SIPA1L1: variants seen among roughly 807,000 people sequenced by gnomAD.
The protein encoded by SIPA1L1 is signal induced proliferation associated 1 like 1.
In SIPA1L1, 26 loss-of-function variants were observed where a neutral mutation model predicts 162.7. The ratio of observed to expected loss-of-function variants is 0.16; its 90% CI spans 0.12 to 0.22. The LOEUF is 0.22. Ranked by LOEUF, SIPA1L1 falls within the 10% of genes least tolerant of loss-of-function variation. The pLI, the probability that SIPA1L1 is intolerant of heterozygous loss-of-function variation, is 1.00. For synonymous variants in SIPA1L1, 829 were observed against 837.4 expected, an observed-to-expected ratio of 0.99 and a Z score of 0.17; for missense variants, 1,874 against 2,241.0, an observed-to-expected ratio of 0.84 and a Z score of 3.31.
chr14:71,426,332 C>T (rs909287490), intron 2 of SIPA1L1, among the ~76,000 whole-genome samples: 2 of 151,772 alleles, frequency 1.3e-5, no homozygotes, highest in Non-Finnish European at 2.9e-5. Context: ...CTAGCATTAA[C>T]TGTTGACTTT....
intron 11 of SIPA1L1, 50 bp from the exon 12 acceptor site, chr14:71,672,298 C>G: frequency 1.0e-5 from 16 of 1,587,292 alleles, no homozygotes; most frequent in Non-Finnish European, 1.4e-5. Context: ...ATGTCCACCA[C>G]TTAATACCCT....
chr14:71,325,656 T>C (rs1001742200), intron 2 of SIPA1L1, among the ~76,000 whole-genome samples: 2 of 152,184 alleles, frequency 1.3e-5, no homozygotes, highest in Non-Finnish European at 2.9e-5. Flanking sequence ...CAAAATGACA[T>C]GGAGGGATGT....
chr14:71,335,054 G>C (rs1026668293), intron 2 of SIPA1L1, among the ~76,000 whole-genome samples: 19 of 152,154 alleles, frequency 1.2e-4, no homozygotes, highest in African/African-American at 4.6e-4. Context: ...AATCCCAAGC[G>C]CTTTGGGAGG....
intron 2 of SIPA1L1, among the ~76,000 whole-genome samples, chr14:71,385,139 C>T (rs1419397200): frequency 6.6e-6 from 1 of 152,128 alleles, no homozygotes; most frequent in African/African-American, 2.4e-5. Context: ...TTGAAACTAC[C>T]GATGCCCCAG....
intron 13 of SIPA1L1, among the ~76,000 whole-genome samples, chr14:71,688,140 T>G (rs1439273160): frequency 1.3e-5 from 2 of 152,216 alleles, no homozygotes; most frequent in African/African-American, 4.8e-5. Flanking sequence ...AAAAAATATC[T>G]TTTAAGTTTT....
At chr14:71,421,891 C>T (rs941685717) in intron 2 of SIPA1L1, among the ~76,000 whole-genome samples, 2 of 152,130 alleles carry the variant, frequency 1.3e-5, no homozygotes, top group African/African-American at 2.4e-5. Context: ...TCACCCAGGC[C>T]GTGATTTTCT....
intron 11 of SIPA1L1, 28 bp downstream of exon 11, chr14:71,671,720 T>C (rs1394012755): frequency 6.6e-7 from 1 of 1,515,786 alleles, no homozygotes; most frequent in Non-Finnish European, 8.9e-7. Context: ...CTTCCTTACA[T>C]GCAGTTTCTC....
At chr14:71,402,549 A>T (rs1331880581) in intron 2 of SIPA1L1, among the ~76,000 whole-genome samples, 2 of 152,082 alleles carry the variant, frequency 1.3e-5, no homozygotes, top group African/African-American at 4.8e-5. Flanking sequence ...GGGTTTCACC[A>T]TATTGGCCAG....
chr14:71,495,147 G>A (rs543430635), intron 2 of SIPA1L1, among the ~76,000 whole-genome samples: 1 of 152,304 alleles, frequency 6.6e-6, no homozygotes, highest in South Asian at 2.1e-4. Context: ...TATAAAATGA[G>A]CTGGGAAGTG....
At chr14:71,733,883 C>T in intron 21 of SIPA1L1, 71 bp downstream of exon 21, 1 of 1,476,226 alleles carries the variant, frequency 6.8e-7, no homozygotes, top group Non-Finnish European at 9.2e-7. Context: ...ATCCACTCTA[C>T]TTCTCTGGAC....
chr14:71,393,421 T>C (rs1397834467), intron 2 of SIPA1L1, among the ~76,000 whole-genome samples: 1 of 152,122 alleles, frequency 6.6e-6, no homozygotes. Flanking sequence ...AAAGAACAGA[T>C]TGTGTTCTGA....
intron 8 of SIPA1L1, among the ~76,000 whole-genome samples, chr14:71,656,987 G>A (rs1290471460): frequency 6.6e-6 from 1 of 152,152 alleles, no homozygotes; most frequent in East Asian, 1.9e-4. Flanking sequence ...GTTGCCTTTT[G>A]GTATGTGTCA....
Position 71,652,979 on chromosome 14 carries a change from T to C in SIPA1L1, c.1993+2470T>C, listed in dbSNP as rs865850825. On this transcript the variant is annotated intron_variant, in intron 8 of 23. Coordinates refer to ENST00000381232, the MANE Select transcript of SIPA1L1 (RefSeq NM_001386936.1). ...GTTCCTTTGTATATATTTTACTTCC[T>C]CACATGTCTGGTTGTTTTTGATAAG... Among the ~76,000 whole-genome samples, 7 of 152,176 alleles carry C rather than the reference T, an allele frequency of 4.6e-5. No homozygotes were observed. In the South Asian group the frequency reaches 1.0e-3, roughly 23 times the overall value.
At chr14:71,494,779 A>G (rs537937985) in intron 2 of SIPA1L1, among the ~76,000 whole-genome samples, 27 of 152,166 alleles carry the variant, frequency 1.8e-4, no homozygotes, top group Non-Finnish European at 3.1e-4. Flanking sequence ...AGCTGGGACT[A>G]CAGGTGTGCA....
chr14:71,714,585 CTT>C (rs34342241), intron 17 of SIPA1L1, among the ~76,000 whole-genome samples: 16 of 149,664 alleles, frequency 1.1e-4, no homozygotes, highest in East Asian at 3.9e-4. Context: ...GCTTTTCTCT[CTT>C]TTTTTTTTTA....
chr14:71,459,418 A>T (rs1426922827), intron 2 of SIPA1L1, among the ~76,000 whole-genome samples: 2 of 152,164 alleles, frequency 1.3e-5, no homozygotes, highest in African/African-American at 4.8e-5. Context: ...GAACTAATAG[A>T]AGATATGTAA....
intron 4 of SIPA1L1, among the ~76,000 whole-genome samples, chr14:71,563,380 A>G (rs2056947004): frequency 1.3e-5 from 2 of 150,768 alleles, no homozygotes; most frequent in Admixed American, 6.6e-5. Context: ...TGGTTTGTAC[A>G]TCTTGGATTT....
At chr14:71,649,858 TA>T (rs1335414285) in intron 7 of SIPA1L1, among the ~76,000 whole-genome samples, 2 of 151,654 alleles carry the variant, frequency 1.3e-5, no homozygotes, top group Non-Finnish European at 2.9e-5. Flanking sequence ...TTTCTAATTT[TA>T]CAAAAAAAAA....
intron 2 of SIPA1L1, among the ~76,000 whole-genome samples, chr14:71,381,350 C>T (rs1321569807): frequency 6.6e-6 from 1 of 152,136 alleles, no homozygotes; most frequent in African/African-American, 2.4e-5. Context: ...CCATGCCTGG[C>T]CCCAATATGA....
Sources: gnomAD v4.1 joint callset for allele counts (sites outside exome capture counted in the v4.1 genomes callset) on GRCh38, gnomAD v4.1.1 for gene constraint, MANE v1.5 for transcripts, NCBI Gene and HGNC (gene_info 2026-07-23, HGNC 2026-07-21) for gene names.